GALNT15: variants seen among roughly 807,000 people sequenced by gnomAD.
The protein encoded by GALNT15 is polypeptide N-acetylgalactosaminyltransferase 15.
Under a neutral mutation model 66.8 loss-of-function variants are expected in GALNT15, and 67 were observed. The observed-to-expected ratio is 1.00, with a 90% confidence interval of 0.82 to 1.23. The LOEUF is 1.23. Ranked by LOEUF, GALNT15 falls within the 50% of genes most tolerant of loss-of-function variation. The pLI is 0.00. For missense variants in GALNT15, 827 were observed against 804.3 expected (o/e 1.03, Z -0.34); for synonymous variants, 313 against 311.5 (o/e 1.00, Z -0.05).
intron 9 of GALNT15, among the ~76,000 whole-genome samples, chr3:16,223,576 C>T (rs547564795): frequency 2.1e-4 from 32 of 152,156 alleles, no homozygotes; most frequent in South Asian, 1.5e-3. Flanking sequence ...AGAAGAAAAT[C>T]GTATGATAGA....
At position 16,187,358 on chromosome 3, in the gene GALNT15, C is replaced by G. The variant is rs2063528326; in HGVS notation, c.540-8402C>G. Among the ~76,000 whole-genome samples the G allele has an allele frequency of 6.6e-6, 1 of 152,230 alleles. No homozygotes were observed. The highest frequency in any genetic ancestry group is 6.5e-5 in the Admixed American group (1 of 15,286). On this transcript the variant is annotated intron_variant, in intron 1 of 9. Transcript: ENST00000339732. This position sits in a 1 kb window ranked among gnomAD's most constrained non-coding sequence, Gnocchi z 5.1. ...AGCCAGGCAGTTCTTCTGCTGATCT[C>G]CCCTGGGTTCACCCCTGTGGCTGCC...
rs1015744357 is a variant in GALNT15 at position 16,191,579 on chromosome 3, C to G, written c.540-4181C>G. Among the ~76,000 whole-genome samples the G allele has an allele frequency of 6.6e-6, 1 of 152,188 alleles. No homozygotes were observed. The highest frequency in any genetic ancestry group is 1.5e-5 in the Non-Finnish European group (1 of 68,036). ...CTGAGTTACCAGGTGAGACTGCCAC[C>G]CGGCAGAGAATGTTCTGTGAAATCA... On this transcript the variant is annotated intron_variant, in intron 1 of 9. Transcript: ENST00000339732. This position sits in a 1 kb window ranked among gnomAD's most constrained non-coding sequence, Gnocchi z 5.2.
At position 16,201,078 on chromosome 3, in the gene GALNT15, C is replaced by T. The variant is rs147371744; in HGVS notation, c.911+255C>T. On this transcript the variant is annotated intron_variant, in intron 3 of 9. Coordinates refer to ENST00000339732, the MANE Select transcript of GALNT15 (RefSeq NM_054110.5). Reference sequence around the variant, plus strand: ...CTGGAGAACAGCTTCTATGAGGTTGCAAATACTTAAAATTGTATTAAATTG... The same window carrying T: ...CTGGAGAACAGCTTCTATGAGGTTGTAAATACTTAAAATTGTATTAAATTG... 7.6e-4 allele frequency among the ~76,000 whole-genome samples: 115 copies of T among 152,294 alleles called. 2 individuals are homozygous for T. The East Asian group carries it at 0.021, about 28-fold the overall frequency.
Position 16,175,601 on chromosome 3 carries a change from C to T in GALNT15, c.450C>T (p.Thr150=), listed in dbSNP as rs1191790814. ...AGGTGTCTGAAGAAGAGGAGTTGAC[C>T]CCGTTCAGCCTGGACCCACGTGGCC... The part of the protein sequence containing the change: ...DGEVSEEEEL[T]PFSLDPRGLQ... Residue 150 remains threonine (T), a synonymous_variant, in exon 1 of 10, where the codon ACC becomes ACT. Transcript: ENST00000339732. The surrounding 1 kb of genome is among the most constrained non-coding windows in gnomAD (Gnocchi z 5.6). The T allele has an allele frequency of 1.2e-6, 2 of 1,613,382 alleles. No individual in the cohort carries two copies. Among genetic ancestry groups the T allele is most frequent in the African/African-American group, 1.3e-5 (1 of 74,914 alleles).
chr3:16,232,471 T>TAAATAAATAAATAA (rs201364608), downstream of GALNT15, among the ~76,000 whole-genome samples: 103 of 44,070 alleles, frequency 2.3e-3, 1 homozygote, highest in African/African-American at 8.8e-3. Flanking sequence ...AATAAATAAA[T>TAAATAAATAAATAA]ATATATATAT....
At chr3:16,199,100 G>A (rs145034058) in intron 2 of GALNT15, among the ~76,000 whole-genome samples, 2,084 of 141,874 alleles carry the variant, frequency 0.015, 340 homozygotes, top group Middle Eastern at 0.058. Flanking sequence ...GGCCTGGGGG[G>A]ACTCCCCATT....
the GALNT15 span, among the ~76,000 whole-genome samples, chr3:16,246,814 T>G: frequency 6.6e-6 from 1 of 152,126 alleles, no homozygotes; most frequent in African/African-American, 2.4e-5. Flanking sequence ...GAAATGAAAG[T>G]ATTACAGGAA....
At chr3:16,206,671 T>TAAAAAAA (rs1170870767) in intron 3 of GALNT15, among the ~76,000 whole-genome samples, 50 of 59,970 alleles carry the variant, frequency 8.3e-4, no homozygotes, top group African/African-American at 1.2e-3. Flanking sequence ...AGACTCTGTC[T>TAAAAAAA]AAAAAAAAAA....
the GALNT15 span, among the ~76,000 whole-genome samples, chr3:16,243,732 C>A: frequency 0.013 from 2,055 of 152,266 alleles, 36 homozygotes; most frequent in African/African-American, 0.046. Flanking sequence ...TATAAACGGG[C>A]ATCCTAATAA....
rs2063535631 is a variant in GALNT15, at chr3:16,188,100, G to T, written c.540-7660G>T. 1.3e-5 allele frequency among the ~76,000 whole-genome samples: 2 copies of T among 152,036 alleles called. No individual in the cohort carries two copies. Among genetic ancestry groups the T allele is most frequent in the Non-Finnish European group, 2.9e-5 (2 of 68,004 alleles). ...GCCTGATGGAAGGTCGTCGTCCAGGGCATGTGGCACATCTAGCACATCTAG... is the reference window on the plus strand; with the variant it reads ...GCCTGATGGAAGGTCGTCGTCCAGGTCATGTGGCACATCTAGCACATCTAG... On this transcript the variant is annotated intron_variant, in intron 1 of 9. Coordinates refer to ENST00000339732, the MANE Select transcript of GALNT15 (RefSeq NM_054110.5). This position sits in a 1 kb window ranked among gnomAD's most constrained non-coding sequence, Gnocchi z 4.6.
chr3:16,202,775 C>T (rs1301223086), intron 3 of GALNT15, among the ~76,000 whole-genome samples: 1 of 152,214 alleles, frequency 6.6e-6, no homozygotes, highest in Non-Finnish European at 1.5e-5. Flanking sequence ...ATCTGATTCC[C>T]ATTCTGGTAT....
rs757768173 is a variant in GALNT15 at position 16,227,220 on chromosome 3, C to T, written c.1774-134C>T. On this transcript the variant is annotated intron_variant, in intron 9 of 9. Transcript: ENST00000339732. The surrounding 1 kb of genome is among the most constrained non-coding windows in gnomAD (Gnocchi z 4.5). ...TTTATATTTTATGTTGATCAAAATA[C>T]CACAATTCCTTTCCAGGCCAGTTCA... 3.0e-5 allele frequency: 28 copies of T among 942,408 alleles called. No individual in the cohort carries two copies. The highest frequency in any genetic ancestry group is 3.4e-4 in the Middle Eastern group (1 of 2,936). The allele number at this position is 942,408 out of a possible 1,614,324, so 58.4% of individuals were successfully genotyped here.
downstream of GALNT15, among the ~76,000 whole-genome samples, chr3:16,232,643 A>G (rs909977392): frequency 1.3e-5 from 2 of 150,474 alleles, no homozygotes; most frequent in Non-Finnish European, 3.0e-5. Flanking sequence ...AAACAAATAT[A>G]AAAAGAGCAG....
downstream of GALNT15, among the ~76,000 whole-genome samples, chr3:16,232,503 TATATA>T (rs1559698406): frequency 5.6e-4 from 48 of 86,046 alleles, 5 homozygotes; most frequent in African/African-American, 2.1e-3. Flanking sequence ...TATATATATA[TATATA>T]TATTTATTTA....
At chr3:16,241,303 T>C in the GALNT15 span, among the ~76,000 whole-genome samples, 1 of 152,174 alleles carries the variant, frequency 6.6e-6, no homozygotes, top group East Asian at 1.9e-4. The surrounding 1 kb of genome is among the most constrained non-coding windows in gnomAD (Gnocchi z 4.6). Context: ...ACAGCATCTT[T>C]CTTTTGTGCC....
chr3:16,224,846 A>T lies in GALNT15; in HGVS notation c.1773+2088A>T, dbSNP rs959392750. On this transcript the variant is annotated intron_variant, in intron 9 of 9. Transcript: ENST00000339732. This position sits in a 1 kb window ranked among gnomAD's most constrained non-coding sequence, Gnocchi z 5.2. The stretch of plus-strand genomic sequence containing the variant: ...AGACGGGGTTTCCTCCATGTTGGCC[A>T]GGCTGGTCTCGAACTCCTGACATCA... Among the ~76,000 whole-genome samples, 2 of 152,082 alleles carry T rather than the reference A, an allele frequency of 1.3e-5. No individual in the cohort carries two copies. The highest frequency in any genetic ancestry group is 2.4e-5 in the African/African-American group (1 of 41,404).
downstream of GALNT15, among the ~76,000 whole-genome samples, chr3:16,236,067 T>TGCACTCCA (rs1361111548): frequency 1.8e-5 from 2 of 113,640 alleles, no homozygotes; most frequent in Non-Finnish European, 3.3e-5. Flanking sequence ...ATCACACCAC[T>TGCACTCCA]GCACTCCAGC....
chr3:16,222,500 A>G, intron 8 of GALNT15, 115 bp from the exon 9 acceptor site: 3 of 1,271,218 alleles, frequency 2.4e-6, no homozygotes, highest in South Asian at 2.7e-5. Flanking sequence ...TGACCCCGAT[A>G]GAATCTGAAG....
rs2124846546 is a variant in GALNT15 at position 16,186,570 on chromosome 3, ATG to A, written c.540-9187_540-9186del. On this transcript the variant is annotated intron_variant, in intron 1 of 9. Coordinates refer to ENST00000339732, the MANE Select transcript of GALNT15 (RefSeq NM_054110.5). This position sits in a 1 kb window ranked among gnomAD's most constrained non-coding sequence, Gnocchi z 5.1. ...ATCAGCTGATGAATGGACAAACAAA[ATG>A]TGGTATATTCAAACAATGAAATATT... Among the ~76,000 whole-genome samples the A allele has an allele frequency of 6.6e-6, 1 of 152,350 alleles. No homozygotes were observed. The highest frequency in any genetic ancestry group is 2.4e-5 in the African/African-American group (1 of 41,588).
Sources: allele counts gnomAD v4.1 joint callset (sites outside exome capture counted in the v4.1 genomes callset), GRCh38; gene constraint gnomAD v4.1.1; non-coding constraint Gnocchi (gnomAD v3.1); transcripts MANE v1.5; gene names NCBI Gene and HGNC (gene_info 2026-07-23, HGNC 2026-07-21).